The following CHST13 variants were observed in gnomAD, a reference collection of about 807,000 sequenced individuals.
CHST13 encodes the protein carbohydrate sulfotransferase 13.
A neutral mutation model predicts 7.0 loss-of-function variants in CHST13; 1 was observed. The ratio of observed to expected loss-of-function variants is 0.14; its 90% CI spans 0.05 to 0.68. The LOEUF is 0.68. Ranked by LOEUF, CHST13 falls within the 30% of genes least tolerant of loss-of-function variation. The pLI, the probability that CHST13 is intolerant of heterozygous loss-of-function variation, is 0.82. For synonymous variants in CHST13, 257 were observed against 240.9 expected, an observed-to-expected ratio of 1.07 and a Z score of -0.62; for missense variants, 572 against 507.9, an observed-to-expected ratio of 1.13 and a Z score of -1.21.
intron 1 of CHST13, among the ~76,000 whole-genome samples, chr3:126,531,018 T>C (rs1437479205): frequency 6.6e-6 from 1 of 152,252 alleles, no homozygotes; most frequent in Non-Finnish European, 1.5e-5. Context: ...GGCTTTAGGG[T>C]TCTGGAGGCC....
Position 126,541,779 on chromosome 3 carries a change from T to A in CHST13, c.227T>A (p.Leu76Gln), listed in dbSNP as rs1368739038. The change falls in exon 3 of 3, where the codon CTG becomes CAG. Residue 76 changes from leucine to glutamine, a missense_variant. Leu to Gln is a moderately radical substitution (Grantham distance 113). Transcript: ENST00000319340. ...LAKVHRQRRDLLNSACSRHSR... is the reference protein window; with the variant it reads ...LAKVHRQRRDQLNSACSRHSR... ...AAGGTGCACCGGCAGCGGCGCGACC[T>A]GCTGAACAGCGCCTGTAGCCGCCAC... The A allele has an allele frequency of 3.3e-6, 5 of 1,532,844 alleles. No individual in the cohort carries two copies. Among genetic ancestry groups the A allele is most frequent in the Middle Eastern group, 1.7e-4 (1 of 5,888 alleles). The allele number at this position is 1,532,844 out of a possible 1,614,324, so 95.0% of individuals were successfully genotyped here.
chr3:126,541,699 C>T (rs1160062592), intron 2 of CHST13, 34 bp from the exon 3 acceptor site: 3 of 1,412,106 alleles, frequency 2.1e-6, no homozygotes, highest in African/African-American at 1.5e-5. Flanking sequence ...GCTGCCCTGA[C>T]GCGTCCCCCT....
At chr3:126,539,815 CAAA>C (rs1936902214) in intron 2 of CHST13, among the ~76,000 whole-genome samples, 1 of 80,404 alleles carries the variant, frequency 1.2e-5, no homozygotes, top group Non-Finnish European at 2.5e-5. Context: ...CCACACACCA[CAAA>C]CACACATACC....
At chr3:126,540,000 CAA>C (rs1936920899) in intron 2 of CHST13, among the ~76,000 whole-genome samples, 1 of 123,732 alleles carries the variant, frequency 8.1e-6, no homozygotes, top group Non-Finnish European at 1.8e-5. Context: ...CACACACACA[CAA>C]ATGCCACACA....
chr3:126,537,136 G>A (rs1183168894), intron 2 of CHST13, among the ~76,000 whole-genome samples: 1 of 152,174 alleles, frequency 6.6e-6, no homozygotes, highest in Non-Finnish European at 1.5e-5. Context: ...GGTGCAACAA[G>A]AGCTCTCCTG....
chr3:126,526,044 CCAGCATCT>C (rs1936531105), intron 1 of CHST13, among the ~76,000 whole-genome samples: 1 of 152,180 alleles, frequency 6.6e-6, no homozygotes. Flanking sequence ...ATGACCTCAC[CCAGCATCT>C]CAGCATCTCT....
intron 1 of CHST13, chr3:126,527,220 G>A (rs1482244657): frequency 2.0e-5 from 3 of 152,340 alleles, no homozygotes; most frequent in African/African-American, 7.2e-5. Context: ...CCCTAGGCAG[G>A]CAAGGAAGCT....
At chr3:126,539,486 CAT>C (rs146851428) in intron 2 of CHST13, among the ~76,000 whole-genome samples, 12,753 of 146,754 alleles carry the variant, frequency 0.087, 646 homozygotes, top group Non-Finnish European at 0.12. Context: ...CACACACACA[CAT>C]ATGTACCCCA....
In CHST13 at chr3:126,524,424, G is replaced by A. The variant is rs1453312939; in HGVS notation, c.92G>A (p.Arg31His). ...LLLCAAPRSL[R>H]PAFGNRALGS... is the part of the protein sequence containing the mutation. The stretch of plus-strand genomic sequence containing the variant: ...CTATGCGCCGCGCCCCGCTCCCTGC[G>A]CCCGGGTGAGTGCCCGCCGGCCGAG... Residue 31 changes from arginine (R) to histidine (H), a missense_variant, in exon 1 of 3, where the codon CGC becomes CAC. Transcript: ENST00000319340. 7.1e-6 allele frequency: 8 copies of A among 1,133,952 alleles called. No individual in the cohort carries two copies. Among genetic ancestry groups the A allele is most frequent in the Admixed American group, 4.3e-5 (1 of 23,230 alleles). 70.2% of individuals were successfully genotyped at this position (1,133,952 alleles called of 1,614,324 possible). A position where few individuals can be genotyped will look rare whatever the true frequency, so the allele number is the denominator to read the frequency against.
rs989840123 is a variant in CHST13, at chr3:126,541,922, C to T, written c.370C>T (p.Leu124=). Residue 124 remains leucine (L), a synonymous_variant, in exon 3 of 3, where the codon CTG becomes TTG. Transcript: ENST00000319340. ...GGCCTGCACCAACTGGAAGCGCGTGCTGCTGGCGCTGAGCGGCCAAGCCCG... is the reference window on the plus strand; with the variant it reads ...GGCCTGCACCAACTGGAAGCGCGTGTTGCTGGCGCTGAGCGGCCAAGCCCG... The part of the protein sequence containing the change: ...KVACTNWKRV[L]LALSGQARGD... 3 of 1,596,728 alleles carry T rather than the reference C, an allele frequency of 1.9e-6. No individual in the cohort carries two copies. The highest frequency in any genetic ancestry group is 1.4e-5 in the African/African-American group (1 of 73,422).
intron 1 of CHST13, among the ~76,000 whole-genome samples, chr3:126,535,670 C>G (rs1218890252): frequency 6.6e-6 from 1 of 152,414 alleles, no homozygotes; most frequent in East Asian, 1.9e-4. Context: ...TGGAGACAGA[C>G]AGACAGCATC....
At chr3:126,531,748 T>C (rs754519934) in intron 1 of CHST13, among the ~76,000 whole-genome samples, 3 of 152,252 alleles carry the variant, frequency 2.0e-5, no homozygotes, top group Admixed American at 6.5e-5. Flanking sequence ...TTTGGGGCTA[T>C]CATGAATAAT....
At chr3:126,529,089 A>T (rs1372538977) in intron 1 of CHST13, 3 of 372,642 alleles carry the variant, frequency 8.1e-6, no homozygotes, top group Non-Finnish European at 1.6e-5. Context: ...TGGACTAGGG[A>T]GTCTGCAAAC....
In CHST13 at chr3:126,542,432, C is replaced by G; in HGVS notation, c.880C>G (p.Pro294Ala). 1 of 1,557,462 alleles carries G rather than the reference C, an allele frequency of 6.4e-7. No individual in the cohort carries two copies. The highest frequency in any genetic ancestry group is 8.7e-7 in the Non-Finnish European group (1 of 1,154,032). The change falls in exon 3 of 3, where the codon CCC becomes GCC. Residue 294 changes from proline (P) to alanine (A), a missense_variant. Physicochemically the swap from Pro to Ala is conservative, Grantham distance 27. Transcript: ENST00000319340. ...SDLSFPGPPR[P>A]RGAAASRDLA... ...CCTGAGCTTCCCTGGGCCGCCGCGG[C>G]CCCGGGGAGCCGCCGCCTCCCGCGA...
chr3:126,534,153 T>A (rs1442070899), intron 1 of CHST13, among the ~76,000 whole-genome samples: 1 of 152,218 alleles, frequency 6.6e-6, no homozygotes. Flanking sequence ...GTTTTTGAGA[T>A]CTTTTCAAAG....
Position 126,542,139 on chromosome 3 carries a change from T to TC in CHST13, c.589dup (p.Gln197ProfsTer44), listed in dbSNP as rs1936974016. Reference sequence around the variant, plus strand: ...CTCGCGCGCCCCTACAGCGCCGCCTTCCAGAGGCGCTACGGTGCACGCATC... The same window carrying TC: ...CTCGCGCGCCCCTACAGCGCCGCCTTCCCAGAGGCGCTACGGTGCACGCATC... On this transcript the variant is annotated frameshift_variant, in exon 3 of 3. Coordinates refer to ENST00000319340, the MANE Select transcript of CHST13 (RefSeq NM_152889.3). LOFTEE classifies it low-confidence loss of function (END_TRUNC). 1 of 1,563,130 alleles carries TC rather than the reference T, an allele frequency of 6.4e-7. No homozygotes were observed. The highest frequency in any genetic ancestry group is 1.1e-5 in the South Asian group (1 of 88,010).
chr3:126,541,889 C>G lies in CHST13; in HGVS notation c.337C>G (p.Pro113Ala). The G allele has an allele frequency of 6.2e-7, 1 of 1,600,280 alleles. No individual in the cohort carries two copies. Among genetic ancestry groups the G allele is most frequent in the Non-Finnish European group, 8.5e-7 (1 of 1,174,020 alleles). ...GCATGGCCTGCTCTACTGCTACGTG[C>G]CCAAGGTGGCCTGCACCAACTGGAA... ...DAHGLLYCYV[P>A]KVACTNWKRV... Residue 113 changes from proline (P) to alanine (A), a missense_variant, in exon 3 of 3, where the codon CCC becomes GCC. Transcript: ENST00000319340.
At chr3:126,540,423 G>C (rs2107572701) in intron 2 of CHST13, among the ~76,000 whole-genome samples, 1 of 152,242 alleles carries the variant, frequency 6.6e-6, no homozygotes, top group Admixed American at 6.5e-5. Context: ...GTTCACTCAG[G>C]TTCTAGTTTT....
rs1936992286 is a variant in CHST13, at chr3:126,542,606, G to C, written c.*28G>C. The C allele has an allele frequency of 1.4e-6, 2 of 1,445,786 alleles. No homozygotes were observed. The highest frequency in any genetic ancestry group is 3.0e-5 in the South Asian group (2 of 66,210). The allele number at this position is 1,445,786 out of a possible 1,614,324, so 89.6% of individuals were successfully genotyped here. On this transcript the variant is annotated 3_prime_UTR_variant, in exon 3 of 3. Transcript: ENST00000319340. The stretch of plus-strand genomic sequence containing the variant: ...GTCCTGGAGGTCCTGTGGCCACGCG[G>C]GGCAAGTGCCTTTCCGACAAGACCC...
Sources: gnomAD v4.1 joint callset for allele counts (sites outside exome capture counted in the v4.1 genomes callset) on GRCh38, gnomAD v4.1.1 for gene constraint, MANE v1.5 for transcripts, NCBI Gene and HGNC (gene_info 2026-07-23, HGNC 2026-07-21) for gene names.